The following EIPR1 variants were observed in gnomAD, a reference collection of about 807,000 sequenced individuals.
EIPR1 encodes EARP and GARP complex-interacting protein 1.
In EIPR1, 25 loss-of-function variants were observed where a neutral mutation model predicts 48.1. The ratio of observed to expected loss-of-function variants is 0.52; its 90% CI spans 0.38 to 0.73. The LOEUF is 0.73. EIPR1 is among the 30% of genes least tolerant of loss of function. The pLI, the probability that EIPR1 is intolerant of heterozygous loss-of-function variation, is 0.00. For synonymous variants in EIPR1, 204 were observed against 201.9 expected (o/e 1.01, Z -0.09); for missense variants, 415 against 506.2 (o/e 0.82, Z 1.73).
At chr2:3,265,702 C>T (rs1348266346) in intron 3 of EIPR1, among the ~76,000 whole-genome samples, 1 of 152,194 alleles carries the variant, frequency 6.6e-6, no homozygotes, top group Non-Finnish European at 1.5e-5. Context: ...CAGCACTGCC[C>T]ACAGAAACTG....
chr2:3,295,973 G>A (rs1158590165), intron 3 of EIPR1, among the ~76,000 whole-genome samples: 54 of 26,472 alleles, frequency 2.0e-3, no homozygotes, highest in Admixed American at 3.4e-3. Context: ...TCCTCTCTCT[G>A]CACACACACC....
chr2:3,202,671 A>T (rs1361036356), intron 5 of EIPR1, among the ~76,000 whole-genome samples: 2 of 152,208 alleles, frequency 1.3e-5, no homozygotes, highest in Non-Finnish European at 2.9e-5. Context: ...GAGCAATGCA[A>T]GCTGAGCCCC....
chr2:3,364,862 T>C (rs1049601527), intron 1 of EIPR1, among the ~76,000 whole-genome samples: 23 of 152,086 alleles, frequency 1.5e-4, no homozygotes, highest in Non-Finnish European at 2.9e-5. Context: ...AAAAGTTGGT[T>C]AATAGGTACA....
intron 4 of EIPR1, among the ~76,000 whole-genome samples, chr2:3,244,126 C>A (rs766451566): frequency 1.3e-5 from 2 of 152,268 alleles, no homozygotes; most frequent in Non-Finnish European, 2.9e-5. Context: ...CAGCAAAGGA[C>A]TTCCAGGGAA....
intron 5 of EIPR1, among the ~76,000 whole-genome samples, chr2:3,198,083 C>A (rs1664873209): frequency 6.6e-6 from 1 of 152,338 alleles, no homozygotes; most frequent in South Asian, 2.1e-4. Context: ...AGAGTGAGTG[C>A]CCACTGCATA....
chr2:3,274,249 T>C (rs1202609837), intron 3 of EIPR1: 1 of 1,508,812 alleles, frequency 6.6e-7, no homozygotes, highest in African/African-American at 1.4e-5. Context: ...GGAGCACAAC[T>C]ATCTCCAAGT....
chr2:3,243,889 G>C (rs767960465), intron 4 of EIPR1, among the ~76,000 whole-genome samples: 1 of 152,186 alleles, frequency 6.6e-6, no homozygotes, highest in African/African-American at 2.4e-5. Context: ...CTCCATGCTG[G>C]AGGCCTCACA....
intron 4 of EIPR1, among the ~76,000 whole-genome samples, chr2:3,237,336 C>T (rs1254280599): frequency 2.7e-5 from 4 of 150,696 alleles, no homozygotes; most frequent in Non-Finnish European, 4.4e-5. Flanking sequence ...CTGAGGTCAG[C>T]CACAGTCTAA....
intron 4 of EIPR1, 76 bp from the exon 5 acceptor site, chr2:3,214,324 A>G: frequency 7.5e-7 from 1 of 1,324,880 alleles, no homozygotes; most frequent in Non-Finnish European, 1.1e-6. Context: ...GCTGTGATAC[A>G]TGTTCTTCAT....
chr2:3,305,277 G>T (rs536684503), intron 3 of EIPR1, among the ~76,000 whole-genome samples: 1 of 130,102 alleles, frequency 7.7e-6, no homozygotes, highest in Non-Finnish European at 1.6e-5. Flanking sequence ...CTCCACTCCC[G>T]TCCAGTTCAG....
At chr2:3,344,922 T>C (rs1392795255) in intron 2 of EIPR1, among the ~76,000 whole-genome samples, 1 of 152,124 alleles carries the variant, frequency 6.6e-6, no homozygotes, top group African/African-American at 2.4e-5. Flanking sequence ...ATGAGCCCCA[T>C]ACAATAACCA....
At chr2:3,226,515 G>A (rs1213789945) in intron 4 of EIPR1, among the ~76,000 whole-genome samples, 3 of 152,146 alleles carry the variant, frequency 2.0e-5, no homozygotes, top group African/African-American at 4.8e-5. Flanking sequence ...ATGTATTTTG[G>A]ATATTAATCC....
chr2:3,197,293 C>G (rs1664845021), intron 5 of EIPR1, among the ~76,000 whole-genome samples: 1 of 152,190 alleles, frequency 6.6e-6, no homozygotes, highest in Non-Finnish European at 1.5e-5. Flanking sequence ...TAGAGATAAT[C>G]AACTCGAACT....
intron 5 of EIPR1, among the ~76,000 whole-genome samples, chr2:3,211,496 C>T (rs985755711): frequency 6.6e-6 from 1 of 152,182 alleles, no homozygotes; most frequent in African/African-American, 2.4e-5. Flanking sequence ...ATTACAGGCA[C>T]GCTGGACATG....
chr2:3,377,461 C>G, intron 1 of EIPR1, 187 bp downstream of exon 1: 1 of 609,752 alleles, frequency 1.6e-6, no homozygotes, highest in Admixed American at 3.6e-5. Context: ...TGTGGCCAAC[C>G]CTGTTATCCA....
At chr2:3,193,488 C>A (rs979955261) in intron 7 of EIPR1, among the ~76,000 whole-genome samples, 1 of 152,206 alleles carries the variant, frequency 6.6e-6, no homozygotes, top group Non-Finnish European at 1.5e-5. Flanking sequence ...TGCCATTGTA[C>A]AACTTGATCT....
At chr2:3,224,927 C>G (rs1666011520) in intron 4 of EIPR1, among the ~76,000 whole-genome samples, 1 of 152,218 alleles carries the variant, frequency 6.6e-6, no homozygotes, top group Non-Finnish European at 1.5e-5. Flanking sequence ...GGGCTGCAGC[C>G]TGTGACCGGC....
At position 3,334,081 on chromosome 2, in the gene EIPR1, C is replaced by A. The variant is rs1329988311; in HGVS notation, c.259+3936G>T. Among the ~76,000 whole-genome samples the A allele has an allele frequency of 2.0e-5, 3 of 152,274 alleles. No homozygotes were observed. In the South Asian group the frequency reaches 6.2e-4, roughly 32 times the overall value. Reference sequence around the variant, plus strand: ...AAAGAGCAACAACAAAGAAAACACACGTGGGTCTCCAAGTACAGCAGACAA... The same window carrying A: ...AAAGAGCAACAACAAAGAAAACACAAGTGGGTCTCCAAGTACAGCAGACAA... On this transcript the variant is annotated intron_variant, in intron 3 of 8. Coordinates refer to ENST00000382125, the MANE Select transcript of EIPR1 (RefSeq NM_003310.5).
intron 1 of EIPR1, among the ~76,000 whole-genome samples, chr2:3,360,560 C>A (rs1364288150): frequency 6.6e-6 from 1 of 152,148 alleles, no homozygotes; most frequent in African/African-American, 2.4e-5. Context: ...TCATCAGGAA[C>A]CTTACAACTA....
Sources: gnomAD v4.1 joint callset for allele counts (sites outside exome capture counted in the v4.1 genomes callset) on GRCh38, gnomAD v4.1.1 for gene constraint, MANE v1.5 for transcripts, NCBI Gene and HGNC (gene_info 2026-07-23, HGNC 2026-07-21) for gene names.